CADM2: variants seen among roughly 807,000 people sequenced by gnomAD.
CADM2 encodes immunoglobulin superfamily member 4D.
A neutral mutation model predicts 49.8 loss-of-function variants in CADM2; 12 were observed. That is an observed-to-expected ratio of 0.24 (90% CI 0.15 to 0.39). CADM2 has a LOEUF of 0.39. Among genes scored for constraint, CADM2 ranks in the 10% least tolerant of loss-of-function variants. The pLI is 1.00. For missense variants in CADM2, 378 were observed against 492.3 expected (o/e 0.77, Z 2.20); for synonymous variants, 214 against 175.4 (o/e 1.22, Z -1.74).
chr3:85,371,661 A>ATGTGTGTGTGTG (rs760996256), intron 1 of CADM2, among the ~76,000 whole-genome samples: 6 of 53,484 alleles, frequency 1.1e-4, no homozygotes, highest in African/African-American at 3.0e-4. Context: ...ATATATATAT[A>ATGTGTGTGTGTG]TGTGTGTGTG....
chr3:85,885,029 G>GAGATGAT (rs1304925997), intron 4 of CADM2, among the ~76,000 whole-genome samples: 2 of 151,616 alleles, frequency 1.3e-5, no homozygotes, highest in Non-Finnish European at 2.9e-5. Flanking sequence ...ATAAAATACA[G>GAGATGAT]AGATGATAAT....
Position 85,668,293 on chromosome 3 carries a change from A to C in CADM2, c.62-58229A>C, listed in dbSNP as rs560680553. 3.6e-3 allele frequency among the ~76,000 whole-genome samples: 431 copies of C among 120,292 alleles called. 5 individuals are homozygous for C. The highest frequency in any genetic ancestry group is 0.014 in the African/African-American group (384 of 28,098). The allele number at this position is 120,292 out of a possible 152,430, so 78.9% of individuals were successfully genotyped here. The stretch of plus-strand genomic sequence containing the variant: ...AATAATCATGTTTTCCTAGTACCAA[A>C]GCAAAAAAAAAAAAAAAAAAGCAAA... On this transcript the variant is annotated intron_variant, in intron 1 of 9. Transcript: ENST00000383699.
chr3:85,637,978 T>G (rs75739001), intron 1 of CADM2, among the ~76,000 whole-genome samples: 1 of 152,104 alleles, frequency 6.6e-6, no homozygotes, highest in African/African-American at 2.4e-5. Context: ...TAATGCGATA[T>G]ATGAACAAGG....
Position 85,483,171 on chromosome 3 carries a change from G to A in CADM2, c.62-243351G>A, listed in dbSNP as rs1253915137. Among the ~76,000 whole-genome samples the A allele has an allele frequency of 2.6e-5, 4 of 151,494 alleles. No homozygotes were observed. In the East Asian group the frequency reaches 5.8e-4, roughly 22 times the overall value. On this transcript the variant is annotated intron_variant, in intron 1 of 9. Transcript: ENST00000383699. ...TATTATGAAATTTACCATTTTAACT[G>A]TAAGTACACAATTCAGTGGCATTAA...
At chr3:85,731,743 A>T (rs1041210285) in intron 2 of CADM2, among the ~76,000 whole-genome samples, 2 of 152,076 alleles carry the variant, frequency 1.3e-5, no homozygotes, top group Non-Finnish European at 2.9e-5. Context: ...ATATTAAAAA[A>T]CAAAGTACAT....
At chr3:85,778,017 C>G (rs1471195594) in intron 2 of CADM2, among the ~76,000 whole-genome samples, 1 of 152,112 alleles carries the variant, frequency 6.6e-6, no homozygotes, top group African/African-American at 2.4e-5. Context: ...TCCATTATGA[C>G]TTCTGTGTGA....
At chr3:85,062,631 T>G (rs1192227856) in intron 1 of CADM2, among the ~76,000 whole-genome samples, 1 of 151,796 alleles carries the variant, frequency 6.6e-6, no homozygotes, top group African/African-American at 2.4e-5. Flanking sequence ...TATAAATGAC[T>G]TATCAATATA....
Position 85,068,338 on chromosome 3 carries a change from T to G in CADM2, c.61+108670T>G, listed in dbSNP as rs1028385894. On this transcript the variant is annotated intron_variant, in intron 1 of 9. Coordinates refer to ENST00000383699, the MANE Select transcript of CADM2 (RefSeq NM_001167675.2). ...GTCAGGAAATGCACACTGATGAAAC[T>G]GAAGGAACTGGGAGAGGACAACAGC... Among the ~76,000 whole-genome samples the G allele has an allele frequency of 2.6e-5, 4 of 152,252 alleles. No homozygotes were observed. The East Asian group carries it at 5.8e-4, about 22-fold the overall frequency.
At chr3:85,227,970 C>A (rs531845368) in intron 1 of CADM2, among the ~76,000 whole-genome samples, 11 of 152,178 alleles carry the variant, frequency 7.2e-5, no homozygotes, top group Admixed American at 5.2e-4. Flanking sequence ...GGCCCCCATT[C>A]TCTTCTGGCT....
chr3:85,306,055 T>C (rs1160194132), intron 1 of CADM2, among the ~76,000 whole-genome samples: 2 of 151,650 alleles, frequency 1.3e-5, no homozygotes, highest in Non-Finnish European at 3.0e-5. Flanking sequence ...TTGCTGCATA[T>C]TTTCTCCTAT....
intron 1 of CADM2, among the ~76,000 whole-genome samples, chr3:85,358,675 G>A (rs191246091): frequency 4.0e-4 from 61 of 152,218 alleles, no homozygotes; most frequent in Admixed American, 4.0e-3. Flanking sequence ...AAAATGGAAA[G>A]AAATCAAGTA....
rs554242304 is a variant in CADM2 at position 85,522,580 on chromosome 3, G to T, written c.62-203942G>T. 3.3e-5 allele frequency among the ~76,000 whole-genome samples: 5 copies of T among 152,156 alleles called. No homozygotes were observed. In the South Asian group the frequency reaches 1.0e-3, roughly 32 times the overall value. ...CATTGTTATTAGTATAAACAAGTCT[G>T]GACAATGTAGTTCCAGAGAAACAGG... On this transcript the variant is annotated intron_variant, in intron 1 of 9. Transcript: ENST00000383699.
intron 3 of CADM2, among the ~76,000 whole-genome samples, chr3:85,825,110 G>A (rs562736588): frequency 6.6e-6 from 1 of 152,178 alleles, no homozygotes; most frequent in South Asian, 2.1e-4. Flanking sequence ...ACAAATGCAT[G>A]TATTATATAA....
chr3:85,606,381 A>T (rs905777410), intron 1 of CADM2, among the ~76,000 whole-genome samples: 1 of 152,152 alleles, frequency 6.6e-6, no homozygotes, highest in South Asian at 2.1e-4. Flanking sequence ...CTGGAATCTA[A>T]TAATTGCACA....
intron 1 of CADM2, among the ~76,000 whole-genome samples, chr3:85,009,448 C>A (rs1182317107): frequency 6.6e-6 from 1 of 152,166 alleles, no homozygotes; most frequent in Non-Finnish European, 1.5e-5. Context: ...CTTAACTTCT[C>A]TGTTCCTCAT....
intron 6 of CADM2, among the ~76,000 whole-genome samples, chr3:85,924,596 T>TAAAA (rs1256757982): frequency 6.7e-6 from 1 of 149,514 alleles, no homozygotes; most frequent in Non-Finnish European, 1.5e-5. Flanking sequence ...CATCTAAAAA[T>TAAAA]AAATAAATAA....
intron 3 of CADM2, among the ~76,000 whole-genome samples, chr3:85,837,412 A>AG (rs138574710): frequency 0.043 from 6,541 of 151,680 alleles, 438 homozygotes; most frequent in African/African-American, 0.15. Flanking sequence ...TAATTTAATT[A>AG]GGGGGAAAAA....
intron 1 of CADM2, among the ~76,000 whole-genome samples, chr3:85,456,917 C>T (rs535021878): frequency 6.7e-6 from 1 of 149,396 alleles, no homozygotes; most frequent in East Asian, 2.0e-4. Context: ...TAATGAAAAA[C>T]GGATGTGTGC....
chr3:85,253,024 TAA>T (rs2042809397), intron 1 of CADM2, among the ~76,000 whole-genome samples: 1 of 152,090 alleles, frequency 6.6e-6, no homozygotes, highest in South Asian at 2.1e-4. Flanking sequence ...ATGATTACAG[TAA>T]GTCTTCACAG....
Sources: gnomAD v4.1 joint callset for allele counts (sites outside exome capture counted in the v4.1 genomes callset) on GRCh38, gnomAD v4.1.1 for gene constraint, MANE v1.5 for transcripts, NCBI Gene and HGNC (gene_info 2026-07-23, HGNC 2026-07-21) for gene names.